The following ZNF222 variants were observed in gnomAD, a reference collection of about 807,000 sequenced individuals.
ZNF222 encodes the protein zinc finger protein 222.
In ZNF222, 8 loss-of-function variants were observed where a neutral mutation model predicts 11.6. The ratio of observed to expected loss-of-function variants is 0.69; its 90% CI spans 0.41 to 1.25. The LOEUF (loss-of-function observed/expected upper bound fraction) is 1.25, where lower values mean the gene tolerates loss of function less well. Ranked by LOEUF, ZNF222 falls within the 50% of genes most tolerant of loss-of-function variation. The probability of loss-of-function intolerance (pLI) is 0.01; values close to 1 mark genes in which losing one functional copy is unlikely to be tolerated. For missense variants in ZNF222, 483 were observed against 576.1 expected, an observed-to-expected ratio of 0.84 and a Z score of 1.65; for synonymous variants, 171 against 195.6, an observed-to-expected ratio of 0.87 and a Z score of 1.05.
intron 1 of ZNF222, chr19:44,026,222 C>A: frequency 4.7e-6 from 4 of 848,502 alleles, no homozygotes; most frequent in Non-Finnish European, 7.6e-6. Flanking sequence ...ACTTTATACC[C>A]CAAAATACAT....
chr19:44,031,674 G>T (rs1976502444), intron 3 of ZNF222, 143 bp from the exon 4 acceptor site: 1 of 841,974 alleles, frequency 1.2e-6, no homozygotes, highest in Non-Finnish European at 1.9e-6. Context: ...GTAGAGACAG[G>T]GCATCACCAT....
intron 2 of ZNF222, 97 bp from the exon 3 acceptor site, chr19:44,027,301 G>A (rs1599858268): frequency 1.9e-6 from 3 of 1,560,354 alleles, no homozygotes. Flanking sequence ...TGTGGTTTTT[G>A]TCATTGGAAG....
Position 44,032,188 on chromosome 19 carries a change from T to A in ZNF222, c.634T>A (p.Cys212Ser), listed in dbSNP as rs1372752715. 1.9e-6 allele frequency: 3 copies of A among 1,614,168 alleles called. No individual in the cohort carries two copies. The East Asian group carries it at 6.7e-5, about 36-fold the overall frequency. ...IHQRVHMGVK[C>S]YKCDVCGKEF... ...TCAGAGGGTCCACATGGGAGTGAAA[T>A]GCTATAAGTGTGATGTGTGTGGTAA... Residue 212 changes from cysteine (C) to serine (S), a missense_variant, in exon 4 of 4, where the codon TGC (cysteine) becomes AGC (serine). Transcript: ENST00000391960.
chr19:44,026,944 C>G, intron 1 of ZNF222, 79 bp from the exon 2 acceptor site: 1 of 1,589,904 alleles, frequency 6.3e-7, no homozygotes, highest in Non-Finnish European at 8.6e-7. Flanking sequence ...TTACACTTGT[C>G]CCTTGTGCCA....
chr19:44,027,585 T>C, intron 3 of ZNF222, 95 bp downstream of exon 3: 1 of 1,185,054 alleles, frequency 8.4e-7, no homozygotes, highest in Non-Finnish European at 1.2e-6. Context: ...CCAAACCTGT[T>C]TCCTGGATTA....
chr19:44,033,090 T>TC lies in ZNF222; in HGVS notation c.*61dup. On this transcript the variant is annotated 3_prime_UTR_variant, in exon 4 of 4. Transcript: ENST00000391960. ...ATGTATATAATGTGTGCTGATTAAA[T>TC]CAGTTTAATTTCACCTGAAACATTA... The TC allele has an allele frequency of 7.3e-7, 1 of 1,361,122 alleles. No homozygotes were observed. Among genetic ancestry groups the TC allele is most frequent in the Non-Finnish European group, 9.6e-7 (1 of 1,040,158 alleles). The allele number at this position is 1,361,122 out of a possible 1,614,324, so 84.3% of individuals were successfully genotyped here. A position where few individuals can be genotyped will look rare whatever the true frequency, so the allele number is the denominator to read the frequency against.
intron 1 of ZNF222, among the ~76,000 whole-genome samples, chr19:44,026,538 C>A (rs572423974): frequency 0.01 from 1,352 of 132,916 alleles, 15 homozygotes; most frequent in African/African-American, 0.039. Flanking sequence ...TTCTCTCTCT[C>A]TCTCTATATA....
intron 1 of ZNF222, among the ~76,000 whole-genome samples, chr19:44,026,477 G>A (rs1316911115): frequency 6.6e-6 from 1 of 151,048 alleles, no homozygotes; most frequent in East Asian, 1.9e-4. Context: ...AGGAGTTTTT[G>A]TTTGTTTGCT....
rs774997267 is a variant in ZNF222, at chr19:44,026,041, A to G, written c.42+563A>G. On this transcript the variant is annotated intron_variant, in intron 1 of 3. Transcript: ENST00000391960. ...TTTTCCCCAGCCCGACCTTTCTAAA[A>G]GAGCTGCAGGAAGGGACTTCTTGGC... 10 of 1,613,142 alleles carry G rather than the reference A, an allele frequency of 6.2e-6. No homozygotes were observed. In the East Asian group the frequency reaches 2.2e-4, roughly 36 times the overall value.
Position 44,027,134 on chromosome 19 carries a change from A to G in ZNF222, c.154A>G (p.Asn52Asp), listed in dbSNP as rs145224236. Residue 52 changes from asparagine (N) to aspartate (D), a missense_variant, in exon 2 of 4, where the codon AAC (asparagine) becomes GAC (aspartate). Transcript: ENST00000391960. ...AGATGTGATGCTTGAGAACTTCAGG[A>G]ACCTGCTCTCAGTGGGTGAGGACGG... The part of the protein sequence containing the change: ...YRDVMLENFR[N>D]LLSVGHQPFH... 4.8e-5 allele frequency: 77 copies of G among 1,613,850 alleles called. No individual in the cohort carries two copies. The highest frequency in any genetic ancestry group is 6.2e-5 in the Non-Finnish European group (73 of 1,179,982).
chr19:44,033,104 C>A lies in ZNF222; in HGVS notation c.*74C>A. ...TGCTGATTAAATCAGTTTAATTTCA[C>A]CTGAAACATTATTTGTGTTGGAAAA... On this transcript the variant is annotated 3_prime_UTR_variant, in exon 4 of 4. Transcript: ENST00000391960. 7.6e-7 allele frequency: 1 copy of A among 1,316,264 alleles called. No homozygotes were observed. Among genetic ancestry groups the A allele is most frequent in the Non-Finnish European group, 9.9e-7 (1 of 1,008,990 alleles). 81.5% of individuals were successfully genotyped at this position (1,316,264 alleles called of 1,614,324 possible).
At position 44,032,132 on chromosome 19, in the gene ZNF222, G is replaced by A. The variant is rs1368554286; in HGVS notation, c.578G>A (p.Ser193Asn). The change falls in exon 4 of 4, where the codon AGC becomes AAC. Residue 193 changes from serine to asparagine, a missense_variant. Transcript: ENST00000391960. ...CATACCTGTGATGAGTGTGGAAAAAGCTTCTGTTACATCTCAGCCCTTCAT... is the reference window on the plus strand; with the variant it reads ...CATACCTGTGATGAGTGTGGAAAAAACTTCTGTTACATCTCAGCCCTTCAT... ...KSHTCDECGK[S>N]FCYISALHIH... 1.2e-6 allele frequency: 2 copies of A among 1,614,092 alleles called. No homozygotes were observed. Among genetic ancestry groups the A allele is most frequent in the African/African-American group, 1.3e-5 (1 of 74,934 alleles).
chr19:44,027,581 C>T, intron 3 of ZNF222, 91 bp downstream of exon 3: 2 of 1,229,598 alleles, frequency 1.6e-6, no homozygotes, highest in South Asian at 2.5e-5. Flanking sequence ...ATGGCCAAAC[C>T]TGTTTCCTGG....
chr19:44,032,582 A>T lies in ZNF222; in HGVS notation c.1028A>T (p.His343Leu). The change falls in exon 4 of 4, where the codon CAT (histidine) becomes CTT (leucine). Residue 343 changes from histidine to leucine, a missense_variant. Coordinates refer to ENST00000391960, the MANE Select transcript of ZNF222 (RefSeq NM_001129996.2). ...GFIDRLDLHK[H>L]QMIHMGQKPY... ...ATTGATAGGCTAGATTTGCATAAGC[A>T]TCAGATGATTCATATGGGACAGAAA... 2 of 1,614,226 alleles carry T rather than the reference A, an allele frequency of 1.2e-6. No individual in the cohort carries two copies. Among genetic ancestry groups the T allele is most frequent in the Non-Finnish European group, 1.7e-6 (2 of 1,180,046 alleles).
rs1346836425 is a variant in ZNF222 at position 44,032,790 on chromosome 19, T to C, written c.1236T>C (p.Asp412=). The change falls in exon 4 of 4, where the codon GAT becomes GAC. Residue 412 remains aspartate (D), a synonymous_variant. Coordinates refer to ENST00000391960, the MANE Select transcript of ZNF222 (RefSeq NM_001129996.2). Reference sequence around the variant, plus strand: ...CGGGAGAGAGATCTTATAACTGTGATAACTGCGGGAAGAGCTTTAGACATG... The same window carrying C: ...CGGGAGAGAGATCTTATAACTGTGACAACTGCGGGAAGAGCTTTAGACATG... ...THTGERSYNC[D]NCGKSFRHAS... is the part of the protein sequence containing the mutation. 5 of 1,613,996 alleles carry C rather than the reference T, an allele frequency of 3.1e-6. No individual in the cohort carries two copies. In the Admixed American group the frequency reaches 6.7e-5, roughly 22 times the overall value.
chr19:44,031,448 G>C (rs1042717370), intron 3 of ZNF222, among the ~76,000 whole-genome samples: 1 of 151,876 alleles, frequency 6.6e-6, no homozygotes, highest in South Asian at 2.1e-4. Context: ...TGTCTTATTT[G>C]GTGTTTTTGT....
At chr19:44,028,324 A>G (rs757842686) in intron 3 of ZNF222, 12 of 398,442 alleles carry the variant, frequency 3.0e-5, no homozygotes, top group Non-Finnish European at 5.3e-5. Context: ...GCTGTGGAAC[A>G]TAACGTGTTC....
In ZNF222 at chr19:44,031,860, A is replaced by G; in HGVS notation, c.306A>G (p.Gly102=). 5 of 1,614,184 alleles carry G rather than the reference A, an allele frequency of 3.1e-6. No individual in the cohort carries two copies. Among genetic ancestry groups the G allele is most frequent in the Non-Finnish European group, 4.2e-6 (5 of 1,180,004 alleles). Residue 102 remains glycine (G), a synonymous_variant, in exon 4 of 4, where the codon GGA becomes GGG. Coordinates refer to ENST00000391960, the MANE Select transcript of ZNF222 (RefSeq NM_001129996.2). ...AGATGGAGACTGTTCCAGAAGCAGG[A>G]ACACATGAAGAATTTTCCTGCAAGC... ...QTEMETVPEA[G]THEEFSCKQI...
Position 44,027,749 on chromosome 19 carries a change from A to G in ZNF222, c.262+259A>G, listed in dbSNP as rs975408717. On this transcript the variant is annotated intron_variant, in intron 3 of 3. Coordinates refer to ENST00000391960, the MANE Select transcript of ZNF222 (RefSeq NM_001129996.2). ...GCTTCTTGTTTTTATTAGTGTTACAACCTCTTTAAGTGGCTTTTGTAGACC... is the reference window on the plus strand; with the variant it reads ...GCTTCTTGTTTTTATTAGTGTTACAGCCTCTTTAAGTGGCTTTTGTAGACC... 2.0e-4 allele frequency among the ~76,000 whole-genome samples: 30 copies of G among 151,804 alleles called. 1 individual carries two copies. Among genetic ancestry groups the G allele is most frequent in the African/African-American group, 7.3e-4 (30 of 41,376 alleles).
Sources: gnomAD v4.1 joint callset for allele counts (sites outside exome capture counted in the v4.1 genomes callset) on GRCh38, gnomAD v4.1.1 for gene constraint, MANE v1.5 for transcripts, NCBI Gene and HGNC (gene_info 2026-07-23, HGNC 2026-07-21) for gene names.